PTCHD1: variants seen among roughly 807,000 people sequenced by gnomAD.
PTCHD1 encodes the protein patched domain containing 1.
A neutral mutation model predicts 34.6 loss-of-function variants in PTCHD1; 3 were observed. The observed-to-expected ratio is 0.09, with a 90% CI of 0.04 to 0.22. The LOEUF is 0.22. Among genes scored for constraint, PTCHD1 ranks in the 10% least tolerant of loss-of-function variants. PTCHD1 has a pLI of 1.00. For synonymous variants in PTCHD1, 305 were observed against 283.1 expected (o/e 1.08, Z -0.77); for missense variants, 504 against 685.5 (o/e 0.74, Z 2.96).
chrX:23,377,575 GGTGTGTGTGTGTGTGTGTGT>G (rs748957859), intron 1 of PTCHD1, among the ~76,000 whole-genome samples: 8 of 90,527 alleles, frequency 8.8e-5, no homozygotes, highest in African/African-American at 2.9e-4. Context: ...GCCTCCTAGG[GGTGTGTGTGTGTGTGTGTGT>G]GTGTGTGTGT....
At chrX:23,348,626 A>C (rs1186676967) in intron 1 of PTCHD1, among the ~76,000 whole-genome samples, 1 of 111,464 alleles carries the variant, frequency 9.0e-6, no homozygotes, top group Non-Finnish European at 1.9e-5. Context: ...AACTGCAAGA[A>C]GAGAATGAAG....
chrX:23,383,416 C>A (rs1304428072), intron 2 of PTCHD1, among the ~76,000 whole-genome samples: 4 of 111,337 alleles, frequency 3.6e-5, no homozygotes, highest in Non-Finnish European at 5.7e-5. Context: ...GCCAAAATGA[C>A]ACTAGATTTA....
rs1921334861 is a variant in PTCHD1, at chrX:23,342,277, TA to T, written c.351+7052del. Among the ~76,000 whole-genome samples, 2 of 4,406 alleles carry T rather than the reference TA, an allele frequency of 4.5e-4. 1 individual carries two copies. Among genetic ancestry groups the T allele is most frequent in the Non-Finnish European group, 6.3e-4 (2 of 3,195 alleles). The allele number at this position is 4,406 out of a possible 115,157, so 3.8% of individuals were successfully genotyped here. Reference sequence around the variant, plus strand: ...TGCTGTGTTTCTCCCTATATATATATATATATATATATATATATATATATAT... The same window carrying T: ...TGCTGTGTTTCTCCCTATATATATATTATATATATATATATATATATATAT... On this transcript the variant is annotated intron_variant, in intron 1 of 2. Coordinates refer to ENST00000379361, the MANE Select transcript of PTCHD1 (RefSeq NM_173495.3).
At chrX:23,363,241 A>G (rs1353927186) in intron 1 of PTCHD1, among the ~76,000 whole-genome samples, 2 of 112,713 alleles carry the variant, frequency 1.8e-5, no homozygotes, top group African/African-American at 6.4e-5. Context: ...TTGTTCAGCT[A>G]TGCCCTGCCC....
intron 1 of PTCHD1, among the ~76,000 whole-genome samples, chrX:23,375,287 CTTTTT>C (rs72075900): frequency 2.4e-5 from 2 of 83,693 alleles, no homozygotes; most frequent in South Asian, 5.7e-4. Flanking sequence ...GCTGACAATT[CTTTTT>C]TTTTTTTTTT....
chrX:23,383,876 G>C (rs1194653623), intron 2 of PTCHD1, among the ~76,000 whole-genome samples: 1 of 112,405 alleles, frequency 8.9e-6, no homozygotes, highest in Non-Finnish European at 1.9e-5. Flanking sequence ...CAAGTAGTGA[G>C]TTACTTGAAT....
rs1569145551 is a variant in PTCHD1 at position 23,403,739 on chromosome X, C to G, written c.*9554C>G. 1 of 111,354 alleles carries G rather than the reference C, an allele frequency of 9.0e-6. No homozygotes were observed. Among genetic ancestry groups the G allele is most frequent in the Non-Finnish European group, 1.9e-5 (1 of 53,101 alleles). 9.2% of individuals were successfully genotyped at this position (111,354 alleles called of 1,213,427 possible). A position where few individuals can be genotyped will look rare whatever the true frequency, so the allele number is the denominator to read the frequency against. ...AACAGAAATGTTTTATCTGAAGAGG[C>G]TGTGTATGCCACCCCAGACCCCTGC... On this transcript the variant is annotated 3_prime_UTR_variant, in exon 3 of 3. Transcript: ENST00000379361.
chrX:23,339,103 G>A (rs1375555716), intron 1 of PTCHD1, among the ~76,000 whole-genome samples: 3 of 111,841 alleles, frequency 2.7e-5, no homozygotes, highest in Non-Finnish European at 5.6e-5. Flanking sequence ...ACACTCCCTG[G>A]CACATAATAG....
chrX:23,346,663 G>T (rs945143149), intron 1 of PTCHD1, among the ~76,000 whole-genome samples: 1 of 112,106 alleles, frequency 8.9e-6, no homozygotes, highest in Non-Finnish European at 1.9e-5. Flanking sequence ...GAATGCCAAG[G>T]GTTAGTTGGT....
intron 1 of PTCHD1, among the ~76,000 whole-genome samples, chrX:23,354,371 T>TAA (rs775985300): frequency 1.0e-5 from 1 of 96,411 alleles, no homozygotes; most frequent in African/African-American, 3.8e-5. Context: ...ACAAACAGAT[T>TAA]AAAAAAAAAA....
At chrX:23,370,423 G>A (rs1449313570) in intron 1 of PTCHD1, among the ~76,000 whole-genome samples, 1 of 112,313 alleles carries the variant, frequency 8.9e-6, no homozygotes, top group East Asian at 2.8e-4. Context: ...GATCAGGAAA[G>A]GGAGGGCAGT....
At chrX:23,385,080 A>AT (rs1007095332) in intron 2 of PTCHD1, among the ~76,000 whole-genome samples, 38 of 111,893 alleles carry the variant, frequency 3.4e-4, no homozygotes, top group African/African-American at 1.2e-3. Context: ...GTGTACATCT[A>AT]TTTTTTTAAA....
chrX:23,379,941 C>T lies in PTCHD1; in HGVS notation c.702C>T (p.Cys234=), dbSNP rs200972021. 24 of 1,210,093 alleles carry T rather than the reference C, an allele frequency of 2.0e-5. No individual in the cohort carries two copies. Among genetic ancestry groups the T allele is most frequent in the East Asian group, 1.5e-4 (5 of 33,778 alleles). Residue 234 remains cysteine (C), a synonymous_variant, in exon 2 of 3, where the codon TGC becomes TGT. Coordinates refer to ENST00000379361, the MANE Select transcript of PTCHD1 (RefSeq NM_173495.3). ...CTGAGAGGTGGGAGTCCAGCTTCTG[C>T]GACACTGTCAGACTGTTTCAGAAAT... ...MVAERWESSF[C]DTVRLFQKSN...
chrX:23,370,438 GA>G (rs1922246112), intron 1 of PTCHD1, among the ~76,000 whole-genome samples: 1 of 112,205 alleles, frequency 8.9e-6, no homozygotes, highest in African/African-American at 3.2e-5. Context: ...GGCAGTGGCT[GA>G]AATGCTCCTG....
At chrX:23,342,256 G>T (rs1921328397) in intron 1 of PTCHD1, among the ~76,000 whole-genome samples, 1 of 79,517 alleles carries the variant, frequency 1.3e-5, no homozygotes, top group South Asian at 6.0e-4. Flanking sequence ...TTCATATGCT[G>T]TGTTTCTCCC....
In PTCHD1 at chrX:23,394,485, A is replaced by G; in HGVS notation, c.*300A>G. ...ACCTATAGTCTCTTAAACTAAGATCAAGTAGAAGAAAGCTTATTAACAAGC... is the reference window on the plus strand; with the variant it reads ...ACCTATAGTCTCTTAAACTAAGATCGAGTAGAAGAAAGCTTATTAACAAGC... On this transcript the variant is annotated 3_prime_UTR_variant, in exon 3 of 3. Transcript: ENST00000379361. 1 of 219,702 alleles carries G rather than the reference A, an allele frequency of 4.6e-6. No homozygotes were observed. Among genetic ancestry groups the G allele is most frequent in the East Asian group, 8.7e-5 (1 of 11,559 alleles). 18.1% of individuals were successfully genotyped at this position (219,702 alleles called of 1,213,427 possible).
chrX:23,400,077 C>T lies in PTCHD1; in HGVS notation c.*5892C>T, dbSNP rs1923081121. 1.1e-5 allele frequency: 1 copy of T among 93,041 alleles called. No individual in the cohort carries two copies. Among genetic ancestry groups the T allele is most frequent in the African/African-American group, 4.0e-5 (1 of 24,743 alleles). The allele number at this position is 93,041 out of a possible 1,213,427, so 7.7% of individuals were successfully genotyped here. On this transcript the variant is annotated 3_prime_UTR_variant, in exon 3 of 3. Transcript: ENST00000379361. ...TCTACACCAGGCATGCTTTCACACA[C>T]GTGCAGTACCCTACTCTCAAAACAA...
At chrX:23,345,555 A>G (rs747989618) in intron 1 of PTCHD1, among the ~76,000 whole-genome samples, 2 of 112,214 alleles carry the variant, frequency 1.8e-5, no homozygotes, top group Non-Finnish European at 3.8e-5. Flanking sequence ...GCAGATAGGC[A>G]TTGGAGAACT....
At chrX:23,380,470 G>A in intron 2 of PTCHD1, 1 of 473,120 alleles carries the variant, frequency 2.1e-6, no homozygotes, top group Admixed American at 3.0e-5. Flanking sequence ...TTCTAGCGCT[G>A]ACTCTCCATT....
Sources: allele counts gnomAD v4.1 joint callset (sites outside exome capture counted in the v4.1 genomes callset), GRCh38; gene constraint gnomAD v4.1.1; transcripts MANE v1.5; gene names NCBI Gene and HGNC (gene_info 2026-07-23, HGNC 2026-07-21).